SINHCAF: variants seen among roughly 807,000 people sequenced by gnomAD.
SINHCAF encodes SIN3-HDAC complex-associated factor.
A neutral mutation model predicts 25.8 loss-of-function variants in SINHCAF; 3 were observed. The ratio of observed to expected loss-of-function variants is 0.12; its 90% CI spans 0.05 to 0.30. The LOEUF is 0.30. Among genes scored for constraint, SINHCAF ranks in the 10% least tolerant of loss-of-function variants. SINHCAF has a pLI of 1.00. For missense variants in SINHCAF, 121 were observed against 262.3 expected, an observed-to-expected ratio of 0.46 and a Z score of 3.72; for synonymous variants, 70 against 85.5, an observed-to-expected ratio of 0.82 and a Z score of 1.00.
At chr12:31,285,392 CAT>C (rs1938000055) in intron 5 of SINHCAF, among the ~76,000 whole-genome samples, 2 of 137,606 alleles carry the variant, frequency 1.5e-5, no homozygotes, top group African/African-American at 5.6e-5. Flanking sequence ...TCTCTCTCAA[CAT>C]AGACATATAT....
chr12:31,314,190 CAGA>C (rs773186344), intron 1 of SINHCAF, among the ~76,000 whole-genome samples: 18 of 151,800 alleles, frequency 1.2e-4, no homozygotes, highest in Non-Finnish European at 1.6e-4. Context: ...AAAGAGATGG[CAGA>C]AGAAGAAAAA....
At chr12:31,286,326 T>C (rs1406111879) in intron 5 of SINHCAF, among the ~76,000 whole-genome samples, 1 of 152,076 alleles carries the variant, frequency 6.6e-6, no homozygotes, top group Non-Finnish European at 1.5e-5. Flanking sequence ...TTTGTCAAAC[T>C]CCTTCTTTGC....
chr12:31,311,115 C>T (rs1449203153), intron 1 of SINHCAF, among the ~76,000 whole-genome samples: 1 of 152,136 alleles, frequency 6.6e-6, no homozygotes, highest in Non-Finnish European at 1.5e-5. Context: ...GATCCACCCG[C>T]CTTGGCCTCC....
chr12:31,298,329 T>G, intron 1 of SINHCAF, 105 bp from the exon 2 acceptor site: 5 of 1,345,528 alleles, frequency 3.7e-6, no homozygotes, highest in Non-Finnish European at 5.2e-6. Context: ...TGGTGTTATA[T>G]GACCAAGACA....
intron 1 of SINHCAF, among the ~76,000 whole-genome samples, chr12:31,305,958 C>T (rs1939010341): frequency 6.6e-6 from 1 of 152,178 alleles, no homozygotes; most frequent in Non-Finnish European, 1.5e-5. Flanking sequence ...CCTCGGCCTC[C>T]CAAGTGCTGG....
intron 1 of SINHCAF, chr12:31,302,887 C>A (rs1442372029): frequency 1.0e-6 from 1 of 965,258 alleles, no homozygotes; most frequent in Non-Finnish European, 1.2e-6. Context: ...TAACAAACTC[C>A]AGTTACAAAT....
At chr12:31,293,001 G>A (rs765574915) in intron 4 of SINHCAF, among the ~76,000 whole-genome samples, 1 of 152,090 alleles carries the variant, frequency 6.6e-6, no homozygotes, top group Non-Finnish European at 1.5e-5. Flanking sequence ...AACCTATTTG[G>A]CCACAAAATC....
At chr12:31,289,994 AT>A (rs1318122161) in intron 4 of SINHCAF, among the ~76,000 whole-genome samples, 1 of 151,612 alleles carries the variant, frequency 6.6e-6, no homozygotes, top group Non-Finnish European at 1.5e-5. Context: ...TCGGCTGGTT[AT>A]TTTTTTAATT....
At chr12:31,291,344 A>G (rs1421586928) in intron 4 of SINHCAF, among the ~76,000 whole-genome samples, 2 of 152,254 alleles carry the variant, frequency 1.3e-5, no homozygotes, top group Non-Finnish European at 2.9e-5. Flanking sequence ...CTCTGATTAG[A>G]AAATTATGGT....
chr12:31,307,514 C>G (rs952928425), intron 1 of SINHCAF, among the ~76,000 whole-genome samples: 2 of 152,046 alleles, frequency 1.3e-5, no homozygotes, highest in Admixed American at 6.5e-5. Context: ...GTGAACACAC[C>G]ACTGCAGTCC....
At chr12:31,311,948 G>C (rs1243971868) in intron 1 of SINHCAF, 1 of 626,240 alleles carries the variant, frequency 1.6e-6, no homozygotes, top group Non-Finnish European at 2.9e-6. Context: ...CTTTTGATTG[G>C]TCCTGGGTGC....
intron 4 of SINHCAF, among the ~76,000 whole-genome samples, chr12:31,293,257 AC>A (rs1043457410): frequency 4.6e-5 from 7 of 151,932 alleles, no homozygotes; most frequent in African/African-American, 1.4e-4. Flanking sequence ...CATTACAGCA[AC>A]CCCCCAAAAC....
intron 4 of SINHCAF, among the ~76,000 whole-genome samples, chr12:31,290,470 T>C (rs1482427805): frequency 6.6e-6 from 1 of 152,156 alleles, no homozygotes; most frequent in Non-Finnish European, 1.5e-5. Flanking sequence ...TACAAATATT[T>C]ACATAAAACA....
chr12:31,310,733 G>T (rs1939232820), intron 1 of SINHCAF, among the ~76,000 whole-genome samples: 1 of 152,012 alleles, frequency 6.6e-6, no homozygotes. Context: ...TTAATAATAT[G>T]TCATTTTTAT....
chr12:31,280,977 T>C lies in SINHCAF; in HGVS notation c.*1735A>G, dbSNP rs1275035264. The C allele has an allele frequency of 6.6e-6, 1 of 152,188 alleles. No individual in the cohort carries two copies. The highest frequency in any genetic ancestry group is 1.5e-5 in the Non-Finnish European group (1 of 68,020). The allele number at this position is 152,188 out of a possible 1,614,324, so 9.4% of individuals were successfully genotyped here. A position where few individuals can be genotyped will look rare whatever the true frequency, so the allele number is the denominator to read the frequency against. ...TATAGTCTGTGCATATGGTGGCTTG[T>C]AGCATGTAGGTTTTTTCCAAAAGAA... On this transcript the variant is annotated 3_prime_UTR_variant, in exon 6 of 6. Coordinates refer to ENST00000337682, the MANE Select transcript of SINHCAF (RefSeq NM_001135812.2).
At chr12:31,309,580 T>C (rs1490326028) in intron 1 of SINHCAF, among the ~76,000 whole-genome samples, 1 of 152,138 alleles carries the variant, frequency 6.6e-6, no homozygotes, top group Non-Finnish European at 1.5e-5. Flanking sequence ...CCTTATGGTT[T>C]CCTTCCCTTT....
At position 31,326,136 on chromosome 12, in the gene SINHCAF, G is replaced by C. The variant is rs1939970082; in HGVS notation, c.-133C>G. ...CTCAACTGCCTTGTCTAGAAAGATAGTCTCCTGCAGTTCTGCAGTTGCTAC... is the reference window on the plus strand; with the variant it reads ...CTCAACTGCCTTGTCTAGAAAGATACTCTCCTGCAGTTCTGCAGTTGCTAC... On this transcript the variant is annotated 5_prime_UTR_variant, in exon 1 of 6. Transcript: ENST00000337682. 1 of 152,250 alleles carries C rather than the reference G, an allele frequency of 6.6e-6. No homozygotes were observed. The highest frequency in any genetic ancestry group is 1.5e-5 in the Non-Finnish European group (1 of 68,066). The allele number at this position is 152,250 out of a possible 1,614,324, so 9.4% of individuals were successfully genotyped here.
chr12:31,298,306 C>T (rs775074459), intron 1 of SINHCAF, 82 bp from the exon 2 acceptor site: 5 of 1,534,946 alleles, frequency 3.3e-6, no homozygotes, highest in Middle Eastern at 1.7e-4. Context: ...CTCCACCCCA[C>T]CCCCAAGCAA....
intron 1 of SINHCAF, among the ~76,000 whole-genome samples, chr12:31,298,877 T>C (rs1938657591): frequency 2.0e-5 from 3 of 152,122 alleles, no homozygotes. Context: ...TTATTATCAT[T>C]AAGACAAAAA....
Sources: gnomAD v4.1 joint callset for allele counts (sites outside exome capture counted in the v4.1 genomes callset) on GRCh38, gnomAD v4.1.1 for gene constraint, MANE v1.5 for transcripts, NCBI Gene and HGNC (gene_info 2026-07-23, HGNC 2026-07-21) for gene names.